The following OPCML variants were observed in gnomAD, a reference collection of about 807,000 sequenced individuals.
OPCML encodes the protein opioid-binding protein/cell adhesion molecule.
In OPCML, 13 loss-of-function variants were observed where a neutral mutation model predicts 37.8. That is an observed-to-expected ratio of 0.34 (90% CI 0.22 to 0.55). OPCML has a LOEUF of 0.55. Ranked by LOEUF, OPCML falls within the 20% of genes least tolerant of loss-of-function variation. The probability of loss-of-function intolerance (pLI) is 0.91; values close to 1 mark genes in which losing one functional copy is unlikely to be tolerated. For synonymous variants in OPCML, 176 were observed against 168.8 expected (o/e 1.04, Z -0.33); for missense variants, 341 against 435.6 (o/e 0.78, Z 1.93).
chr11:132,740,090 C>T (rs1230331514), intron 2 of OPCML, among the ~76,000 whole-genome samples: 3 of 152,070 alleles, frequency 2.0e-5, no homozygotes, highest in South Asian at 2.1e-4. Flanking sequence ...TTAGAAGAGT[C>T]AGAGGGTACA....
intron 1 of OPCML, among the ~76,000 whole-genome samples, chr11:133,096,355 G>C (rs1591997574): frequency 6.6e-6 from 1 of 151,830 alleles, no homozygotes; most frequent in East Asian, 1.9e-4. Context: ...CTAAAAAAAT[G>C]GTTTTTAAAA....
chr11:132,696,333 C>G (rs964677345), intron 2 of OPCML, among the ~76,000 whole-genome samples: 2 of 152,140 alleles, frequency 1.3e-5, no homozygotes, highest in Non-Finnish European at 2.9e-5. Context: ...TGATGAAATC[C>G]TATTCCAGTG....
intron 4 of OPCML, among the ~76,000 whole-genome samples, chr11:132,468,782 GAA>G (rs1008677208): frequency 1.2e-4 from 19 of 152,290 alleles, no homozygotes; most frequent in African/African-American, 4.3e-4. Flanking sequence ...TCATTTTAGG[GAA>G]AAGTCTCAAA....
chr11:132,590,928 T>C (rs73041745), intron 3 of OPCML, among the ~76,000 whole-genome samples: 4,555 of 152,310 alleles, frequency 0.03, 121 homozygotes, highest in East Asian at 0.059. Context: ...TTTATAAGGC[T>C]AAGGTAATTA....
At chr11:132,424,322 C>T (rs1041844798) in intron 7 of OPCML, among the ~76,000 whole-genome samples, 30 of 152,018 alleles carry the variant, frequency 2.0e-4, no homozygotes, top group African/African-American at 6.8e-4. Flanking sequence ...GGTTTCACCA[C>T]GTTAGCCAGG....
chr11:132,615,327 T>C (rs900368842), intron 3 of OPCML, among the ~76,000 whole-genome samples: 24 of 152,310 alleles, frequency 1.6e-4, no homozygotes, highest in African/African-American at 5.8e-4. Flanking sequence ...CATTCATTAG[T>C]AGTGGAATCT....
rs542104804 is a variant in OPCML, at chr11:132,670,155, C to T, written c.147-12836G>A. 2.0e-4 allele frequency among the ~76,000 whole-genome samples: 31 copies of T among 152,282 alleles called. 1 individual carries two copies. Among genetic ancestry groups the T allele is most frequent in the Middle Eastern group, 3.4e-3 (1 of 294 alleles). ...TAGATTATCCTGACATATTTACTCA[C>T]GACCATGTCTGTCTCAGTATCATCC... On this transcript the variant is annotated intron_variant, in intron 2 of 7. Transcript: ENST00000524381.
At chr11:133,313,874 A>G (rs944571442) in intron 1 of OPCML, among the ~76,000 whole-genome samples, 1 of 152,244 alleles carries the variant, frequency 6.6e-6, no homozygotes, top group Non-Finnish European at 1.5e-5. Context: ...CAGCGATGAT[A>G]GAAAACTAAT....
At chr11:132,712,563 C>T (rs918759914) in intron 2 of OPCML, among the ~76,000 whole-genome samples, 1 of 152,202 alleles carries the variant, frequency 6.6e-6, no homozygotes, top group Admixed American at 6.5e-5. Context: ...ACTCCCACCC[C>T]AAGAACATGG....
At chr11:132,440,414 C>G (rs74420510) in intron 4 of OPCML, among the ~76,000 whole-genome samples, 2,397 of 152,142 alleles carry the variant, frequency 0.016, 64 homozygotes, top group African/African-American at 0.05. Flanking sequence ...GACACATGCC[C>G]AGGGGCTGCC....
At chr11:132,691,454 TCTCCTA>T (rs1474203148) in intron 2 of OPCML, among the ~76,000 whole-genome samples, 2 of 152,226 alleles carry the variant, frequency 1.3e-5, no homozygotes, top group Non-Finnish European at 2.9e-5. Context: ...CTGTGTTATT[TCTCCTA>T]CCAACTAACT....
chr11:133,064,353 G>A (rs1345728389), intron 1 of OPCML, among the ~76,000 whole-genome samples: 1 of 152,204 alleles, frequency 6.6e-6, no homozygotes, highest in Non-Finnish European at 1.5e-5. Flanking sequence ...CCGCCTTCCC[G>A]GCTGAGGCCC....
chr11:132,653,123 T>C (rs571936833), intron 3 of OPCML, among the ~76,000 whole-genome samples: 3 of 152,354 alleles, frequency 2.0e-5, no homozygotes, highest in African/African-American at 7.2e-5. Context: ...TGTTTGTGTG[T>C]TGTTTATCTC....
Position 132,575,271 on chromosome 11 carries a change from T to A in OPCML, c.380-46085A>T, listed in dbSNP as rs577527930. 7.2e-5 allele frequency among the ~76,000 whole-genome samples: 11 copies of A among 152,242 alleles called. No homozygotes were observed. The South Asian group carries it at 2.3e-3, about 32-fold the overall frequency. ...TAAGTATTGATAGTGAAGGGTTTAC[T>A]ATTGCTAGTTTGTTAGTTGTTTTAT... On this transcript the variant is annotated intron_variant, in intron 3 of 7. Transcript: ENST00000524381.
At chr11:133,514,890 T>C (rs1948232545) in intron 1 of OPCML, among the ~76,000 whole-genome samples, 1 of 152,184 alleles carries the variant, frequency 6.6e-6, no homozygotes, top group Non-Finnish European at 1.5e-5. Context: ...CACATGCTCA[T>C]TGAGAGAGTC....
Position 133,205,255 on chromosome 11 carries a change from G to T in OPCML, c.62-262245C>A, listed in dbSNP as rs970940727. 6.6e-6 allele frequency among the ~76,000 whole-genome samples: 1 copy of T among 152,098 alleles called. No individual in the cohort carries two copies. The highest frequency in any genetic ancestry group is 2.4e-5 in the African/African-American group (1 of 41,420). On this transcript the variant is annotated intron_variant, in intron 1 of 7. Transcript: ENST00000524381. The surrounding 1 kb of genome is among the most constrained non-coding windows in gnomAD (Gnocchi z 4.8). ...GCTTCTGGTTGCTGAACACTGGTAG[G>T]TTCCTTGAGGGTGGTGCTCTGGAAG...
chr11:132,898,419 C>G (rs1943927949), intron 2 of OPCML, among the ~76,000 whole-genome samples: 1 of 152,136 alleles, frequency 6.6e-6, no homozygotes, highest in South Asian at 2.1e-4. Flanking sequence ...AGGAACTCAC[C>G]TGACAGCCAA....
At chr11:133,146,972 C>T (rs534995398) in intron 1 of OPCML, among the ~76,000 whole-genome samples, 2 of 152,196 alleles carry the variant, frequency 1.3e-5, no homozygotes, top group African/African-American at 2.4e-5. Flanking sequence ...GGTGCCTTCC[C>T]CTGCAAGCTT....
chr11:133,313,532 T>C (rs897457727), intron 1 of OPCML, among the ~76,000 whole-genome samples: 1 of 152,134 alleles, frequency 6.6e-6, no homozygotes, highest in Non-Finnish European at 1.5e-5. Flanking sequence ...ATTCCACGAG[T>C]CCCATTTATT....
Sources: gnomAD v4.1 joint callset for allele counts (sites outside exome capture counted in the v4.1 genomes callset) on GRCh38, gnomAD v4.1.1 for gene constraint, Gnocchi (gnomAD v3.1) non-coding constraint, MANE v1.5 for transcripts, NCBI Gene and HGNC (gene_info 2026-07-23, HGNC 2026-07-21) for gene names.